FAM180A: variants seen among roughly 807,000 people sequenced by gnomAD.
FAM180A encodes family with sequence similarity 180 member A.
In FAM180A, 14 loss-of-function variants were observed where a neutral mutation model predicts 15.3. The ratio of observed to expected loss-of-function variants is 0.92; its 90% CI spans 0.61 to 1.43. The LOEUF is 1.43. FAM180A is among the 40% of genes most tolerant of loss of function. The pLI is 0.00. For missense variants in FAM180A, 200 were observed against 220.8 expected, an observed-to-expected ratio of 0.91 and a Z score of 0.60; for synonymous variants, 90 against 96.8, an observed-to-expected ratio of 0.93 and a Z score of 0.41.
chr7:135,733,110 A>G (rs1207275553), intron 3 of FAM180A, among the ~76,000 whole-genome samples: 3 of 152,200 alleles, frequency 2.0e-5, no homozygotes, highest in Non-Finnish European at 4.4e-5. Flanking sequence ...AAGGTCATAA[A>G]ATTACTGATT....
In FAM180A at chr7:135,730,019, T is replaced by TA. The variant is rs934913289; in HGVS notation, c.*591dup. The TA allele has an allele frequency of 9.2e-6, 9 of 976,274 alleles. No homozygotes were observed. The highest frequency in any genetic ancestry group is 9.5e-5 in the South Asian group (2 of 21,094). The allele number at this position is 976,274 out of a possible 1,614,324, so 60.5% of individuals were successfully genotyped here. On this transcript the variant is annotated 3_prime_UTR_variant, in exon 4 of 4. Coordinates refer to ENST00000338588, the MANE Select transcript of FAM180A (RefSeq NM_205855.4). Reference sequence around the variant, plus strand: ...TTACCTGATGTGTTTTTTACCACAATAAAAAAAATAAGATTGAAATGGATT... The same window carrying TA: ...TTACCTGATGTGTTTTTTACCACAATAAAAAAAAATAAGATTGAAATGGATT...
intron 3 of FAM180A, among the ~76,000 whole-genome samples, chr7:135,732,405 T>C (rs1270837162): frequency 6.6e-6 from 1 of 152,160 alleles, no homozygotes; most frequent in Non-Finnish European, 1.5e-5. Flanking sequence ...GTTTAAATGA[T>C]GACATGGTCG....
chr7:135,747,935 C>G (rs184171714), intron 1 of FAM180A, among the ~76,000 whole-genome samples: 63 of 152,266 alleles, frequency 4.1e-4, no homozygotes, highest in African/African-American at 1.5e-3. Context: ...AAGAGAACAG[C>G]CTTTGCTGGG....
chr7:135,738,443 C>T (rs1400049763), intron 1 of FAM180A, among the ~76,000 whole-genome samples: 1 of 152,218 alleles, frequency 6.6e-6, no homozygotes, highest in Non-Finnish European at 1.5e-5. Flanking sequence ...ATCTGCCTGC[C>T]TCAGCCTCCC....
intron 1 of FAM180A, among the ~76,000 whole-genome samples, chr7:135,742,155 C>T (rs1266886418): frequency 6.6e-6 from 1 of 152,146 alleles, no homozygotes; most frequent in Non-Finnish European, 1.5e-5. Flanking sequence ...TCGGCAGCCA[C>T]CCAGATCTGA....
At chr7:135,746,970 C>T (rs1053825945) in intron 1 of FAM180A, among the ~76,000 whole-genome samples, 2 of 151,986 alleles carry the variant, frequency 1.3e-5, no homozygotes, top group Non-Finnish European at 2.9e-5. Flanking sequence ...CGTGGTGGTG[C>T]GCACCTGTAA....
intron 1 of FAM180A, among the ~76,000 whole-genome samples, chr7:135,740,759 C>A (rs1375038850): frequency 6.6e-6 from 1 of 152,014 alleles, no homozygotes; most frequent in Admixed American, 6.5e-5. Flanking sequence ...CTGTTTTCTC[C>A]TTGGTATGAG....
chr7:135,729,868 G>C lies in FAM180A; in HGVS notation c.*743C>G. The C allele has an allele frequency of 1.4e-6, 1 of 720,536 alleles. No individual in the cohort carries two copies. The highest frequency in any genetic ancestry group is 1.7e-6 in the Non-Finnish European group (1 of 588,272). 44.6% of individuals were successfully genotyped at this position (720,536 alleles called of 1,614,324 possible). A position where few individuals can be genotyped will look rare whatever the true frequency, so the allele number is the denominator to read the frequency against. ...GGCAGGCAGGGGGAAGGGGAAAAGA[G>C]GAGTTGTTCGGTGGGTATAGAACTT... is the stretch of plus-strand genomic sequence containing the variant. On this transcript the variant is annotated 3_prime_UTR_variant, in exon 4 of 4. Coordinates refer to ENST00000338588, the MANE Select transcript of FAM180A (RefSeq NM_205855.4).
At chr7:135,748,364 C>A in intron 1 of FAM180A, 141 bp downstream of exon 1, 1 of 700,014 alleles carries the variant, frequency 1.4e-6, no homozygotes, top group Admixed American at 2.2e-5. Flanking sequence ...AGGGGGAACA[C>A]GTCAAGAAGC....
At chr7:135,745,333 A>G (rs536294363) in intron 1 of FAM180A, among the ~76,000 whole-genome samples, 1 of 152,228 alleles carries the variant, frequency 6.6e-6, no homozygotes, top group Non-Finnish European at 1.5e-5. Flanking sequence ...ACAAAAGCAT[A>G]GCTATTCATA....
chr7:135,734,594 T>A (rs1156699717), intron 2 of FAM180A, among the ~76,000 whole-genome samples: 2 of 152,222 alleles, frequency 1.3e-5, no homozygotes, highest in Non-Finnish European at 2.9e-5. Flanking sequence ...TGGACAAAAC[T>A]AATACAGTGT....
chr7:135,732,043 C>A (rs969418744), intron 3 of FAM180A, among the ~76,000 whole-genome samples: 1 of 152,184 alleles, frequency 6.6e-6, no homozygotes, highest in Non-Finnish European at 1.5e-5. Context: ...AGACGCTCGA[C>A]CCCTAGCAGA....
At chr7:135,738,451 C>T (rs1036439134) in intron 1 of FAM180A, among the ~76,000 whole-genome samples, 2 of 152,202 alleles carry the variant, frequency 1.3e-5, no homozygotes, top group African/African-American at 4.8e-5. Context: ...GCCTCAGCCT[C>T]CCAAAGTGCT....
intron 3 of FAM180A, among the ~76,000 whole-genome samples, 195 bp from the exon 4 acceptor site, chr7:135,730,476 G>A (rs971400220): frequency 1.3e-5 from 2 of 152,096 alleles, no homozygotes; most frequent in African/African-American, 4.8e-5. Context: ...CACTGTAGGC[G>A]GAGGTGCCAC....
At chr7:135,742,158 A>G (rs902994769) in intron 1 of FAM180A, among the ~76,000 whole-genome samples, 2 of 152,194 alleles carry the variant, frequency 1.3e-5, no homozygotes, top group Non-Finnish European at 2.9e-5. Flanking sequence ...GCAGCCACCC[A>G]GATCTGACTC....
Position 135,748,647 on chromosome 7 carries a change from C to T in FAM180A, c.-67G>A. 1 of 1,226,412 alleles carries T rather than the reference C, an allele frequency of 8.2e-7. No individual in the cohort carries two copies. Among genetic ancestry groups the T allele is most frequent in the South Asian group, 1.2e-5 (1 of 82,744 alleles). 76.0% of individuals were successfully genotyped at this position (1,226,412 alleles called of 1,614,324 possible). ...GGAACCCCAGTAGCTGCAGGTATGC[C>T]CGTGCCGTTCTTCCCAGTGAGATGA... On this transcript the variant is annotated 5_prime_UTR_variant, in exon 1 of 4. Transcript: ENST00000338588.
At position 135,734,285 on chromosome 7, in the gene FAM180A, A is replaced by C; in HGVS notation, c.212T>G (p.Leu71Arg). 1 of 1,607,130 alleles carries C rather than the reference A, an allele frequency of 6.2e-7. No individual in the cohort carries two copies. Among genetic ancestry groups the C allele is most frequent in the African/African-American group, 1.3e-5 (1 of 74,772 alleles). Residue 71 changes from leucine (L) to arginine (R), a missense_variant, in exon 3 of 4, where the codon CTG becomes CGG. By Grantham distance (102) the Leu-to-Arg change is moderately radical. Transcript: ENST00000338588. ...CTCCTCGTCCTTGATGGAGATCTGCAGGTCAGGGCTGATCTCAAGTTCGGC... is the reference window on the plus strand; with the variant it reads ...CTCCTCGTCCTTGATGGAGATCTGCCGGTCAGGGCTGATCTCAAGTTCGGC... ...LLAELEISPD[L>R]QISIKDEELA...
Position 135,748,621 on chromosome 7 carries a change from T to G in FAM180A, c.-41A>C. ...GTGAAAAATCGACCCTCAAGCCCAG[T>G]GGAACCCCAGTAGCTGCAGGTATGC... On this transcript the variant is annotated 5_prime_UTR_variant, in exon 1 of 4. Transcript: ENST00000338588. 6.7e-7 allele frequency: 1 copy of G among 1,502,934 alleles called. No individual in the cohort carries two copies. The highest frequency in any genetic ancestry group is 1.7e-5 in the Admixed American group (1 of 59,818). The allele number at this position is 1,502,934 out of a possible 1,614,324, so 93.1% of individuals were successfully genotyped here. A position where few individuals can be genotyped will look rare whatever the true frequency, so the allele number is the denominator to read the frequency against.
Position 135,733,774 on chromosome 7 carries a change from A to G in FAM180A, c.*201T>C. 7.2e-7 allele frequency: 1 copy of G among 1,379,740 alleles called. No homozygotes were observed. Among genetic ancestry groups the G allele is most frequent in the Non-Finnish European group, 9.3e-7 (1 of 1,072,232 alleles). 85.5% of individuals were successfully genotyped at this position (1,379,740 alleles called of 1,614,324 possible). On this transcript the variant is annotated 3_prime_UTR_variant, in exon 3 of 4. Transcript: ENST00000338588. ...CCATTCCAGCCCTTTCTTCCAGCCC[A>G]GGTCACATGATGGCATGAATCAGAT...
Sources: gnomAD v4.1 joint callset for allele counts (sites outside exome capture counted in the v4.1 genomes callset) on GRCh38, gnomAD v4.1.1 for gene constraint, MANE v1.5 for transcripts, NCBI Gene and HGNC (gene_info 2026-07-23, HGNC 2026-07-21) for gene names.